SH3BGRL: variants seen among roughly 807,000 people sequenced by gnomAD.
SH3BGRL encodes the protein adapter SH3BGRL.
A neutral mutation model predicts 9.8 loss-of-function variants in SH3BGRL; 7 were observed. The observed-to-expected ratio is 0.72, with a 90% CI of 0.41 to 1.35. The LOEUF (loss-of-function observed/expected upper bound fraction) is 1.35, where lower values mean the gene tolerates loss of function less well. SH3BGRL is among the 40% of genes most tolerant of loss of function. The probability of loss-of-function intolerance (pLI) is 0.01; values close to 1 mark genes in which losing one functional copy is unlikely to be tolerated. For missense variants in SH3BGRL, 73 were observed against 84.4 expected (o/e 0.86, Z 0.53); for synonymous variants, 36 against 29.1 (o/e 1.24, Z -0.76).
At chrX:81,203,659 A>G (rs2075536684) in intron 1 of SH3BGRL, among the ~76,000 whole-genome samples, 1 of 111,760 alleles carries the variant, frequency 8.9e-6, no homozygotes, top group Non-Finnish European at 1.9e-5. Flanking sequence ...TGAACAGATC[A>G]GGCAGTTAGT....
rs372501296 is a variant in SH3BGRL at position 81,278,461 on chromosome X, A to G, written c.312+50A>G. On this transcript the variant is annotated intron_variant, in intron 3 of 3. Coordinates refer to ENST00000373212, the MANE Select transcript of SH3BGRL (RefSeq NM_003022.3). The stretch of plus-strand genomic sequence containing the variant: ...TTATAGGTCATTTTATTGCTGCTGA[A>G]CTTTTTTAATCAGTAAGATTTTCAT... 25 of 796,700 alleles carry G rather than the reference A, an allele frequency of 3.1e-5. No homozygotes were observed. In the African/African-American group the frequency reaches 5.1e-4, roughly 16 times the overall value. The allele number at this position is 796,700 out of a possible 1,213,427, so 65.7% of individuals were successfully genotyped here.
chrX:81,279,679 G>A (rs1184471458), intron 3 of SH3BGRL, among the ~76,000 whole-genome samples: 4 of 111,349 alleles, frequency 3.6e-5, no homozygotes, highest in Non-Finnish European at 7.5e-5. Context: ...GGAAGGCCCT[G>A]GTATCTCGCT....
At chrX:81,207,261 A>G (rs1313389113) in intron 1 of SH3BGRL, among the ~76,000 whole-genome samples, 1 of 112,090 alleles carries the variant, frequency 8.9e-6, no homozygotes, top group Admixed American at 9.5e-5. Flanking sequence ...AGATTGTGGG[A>G]AATAGATGAT....
At chrX:81,283,781 C>T (rs2075825481) in intron 3 of SH3BGRL, among the ~76,000 whole-genome samples, 1 of 110,829 alleles carries the variant, frequency 9.0e-6, no homozygotes, top group Non-Finnish European at 1.9e-5. Flanking sequence ...CCCACTGTCA[C>T]CACTACTCTT....
At chrX:81,203,503 A>G (rs764133530) in intron 1 of SH3BGRL, among the ~76,000 whole-genome samples, 1 of 111,759 alleles carries the variant, frequency 8.9e-6, no homozygotes, top group Non-Finnish European at 1.9e-5. Flanking sequence ...TTTCCTTTGG[A>G]CCTAATTTTA....
chrX:81,285,007 A>G (rs1023417311), intron 3 of SH3BGRL, among the ~76,000 whole-genome samples: 2 of 111,063 alleles, frequency 1.8e-5, no homozygotes, highest in African/African-American at 6.5e-5. Flanking sequence ...GTTAACAAGA[A>G]TAGGTGTGGT....
chrX:81,295,161 G>A (rs1161749040), intron 3 of SH3BGRL, among the ~76,000 whole-genome samples: 4 of 111,923 alleles, frequency 3.6e-5, no homozygotes, highest in Non-Finnish European at 7.5e-5. Context: ...GGACTTTTGG[G>A]AAGGCATGAC....
intron 1 of SH3BGRL, among the ~76,000 whole-genome samples, chrX:81,268,205 G>C (rs1455728514): frequency 3.7e-5 from 4 of 109,233 alleles, no homozygotes; most frequent in African/African-American, 1.3e-4. Flanking sequence ...GGTTTTTTTT[G>C]TGTCTCTATC....
chrX:81,287,483 G>A (rs1337928032), intron 3 of SH3BGRL, among the ~76,000 whole-genome samples: 2 of 112,015 alleles, frequency 1.8e-5, no homozygotes, highest in East Asian at 2.8e-4. Context: ...ATAACAAAAT[G>A]TTTATCAGTA....
chrX:81,219,160 C>A (rs2075592045), intron 1 of SH3BGRL, among the ~76,000 whole-genome samples: 1 of 110,089 alleles, frequency 9.1e-6, no homozygotes, highest in African/African-American at 3.3e-5. Flanking sequence ...GGCACATGGT[C>A]ATCAGGTTAC....
intron 1 of SH3BGRL, among the ~76,000 whole-genome samples, chrX:81,211,936 T>G (rs1365969246): frequency 9.0e-6 from 1 of 111,597 alleles, no homozygotes; most frequent in Non-Finnish European, 1.9e-5. Context: ...AAGAGAACCC[T>G]AATACAAAGT....
At chrX:81,271,496 T>A (rs771310000) in intron 1 of SH3BGRL, among the ~76,000 whole-genome samples, 1 of 111,878 alleles carries the variant, frequency 8.9e-6, no homozygotes, top group Non-Finnish European at 1.9e-5. Context: ...GGGGTGCAGG[T>A]GAGGAATGAT....
chrX:81,257,149 C>T (rs1423315694), intron 1 of SH3BGRL, among the ~76,000 whole-genome samples: 1 of 111,425 alleles, frequency 9.0e-6, no homozygotes, highest in East Asian at 2.8e-4. Flanking sequence ...AATTAACAAT[C>T]TAGCTTATTT....
chrX:81,215,046 T>A (rs1471875909), intron 1 of SH3BGRL, among the ~76,000 whole-genome samples: 1 of 111,014 alleles, frequency 9.0e-6, no homozygotes, highest in African/African-American at 3.3e-5. Context: ...ATTTCTGGGC[T>A]GACTTAAGAT....
chrX:81,233,626 TG>T (rs1872888901), intron 1 of SH3BGRL, among the ~76,000 whole-genome samples: 1 of 110,944 alleles, frequency 9.0e-6, no homozygotes, highest in African/African-American at 3.3e-5. Context: ...GAAGACATTC[TG>T]TTTATTGAGT....
intron 1 of SH3BGRL, among the ~76,000 whole-genome samples, chrX:81,228,854 G>C (rs771257670): frequency 1.5e-4 from 17 of 111,963 alleles, no homozygotes; most frequent in Non-Finnish European, 2.8e-4. Context: ...GTGACATTAA[G>C]AGCTCTTTGC....
At chrX:81,249,655 G>T (rs1470459666) in intron 1 of SH3BGRL, among the ~76,000 whole-genome samples, 1 of 111,966 alleles carries the variant, frequency 8.9e-6, no homozygotes, top group Non-Finnish European at 1.9e-5. Flanking sequence ...GTAGTCCCCA[G>T]AACACTGCTG....
At chrX:81,292,030 G>T (rs762917638) in intron 3 of SH3BGRL, among the ~76,000 whole-genome samples, 3 of 111,269 alleles carry the variant, frequency 2.7e-5, no homozygotes, top group East Asian at 5.8e-4. Context: ...CCAGGTCCAC[G>T]GTGCAAGCTG....
At chrX:81,206,361 T>C (rs946531772) in intron 1 of SH3BGRL, among the ~76,000 whole-genome samples, 5 of 111,726 alleles carry the variant, frequency 4.5e-5, no homozygotes, top group African/African-American at 1.3e-4. Flanking sequence ...GTATGTCAGA[T>C]ACTATCTCAT....
Sources: allele counts gnomAD v4.1 joint callset (sites outside exome capture counted in the v4.1 genomes callset), GRCh38; gene constraint gnomAD v4.1.1; transcripts MANE v1.5; gene names NCBI Gene and HGNC (gene_info 2026-07-23, HGNC 2026-07-21).